Variants in GRIP1 observed in about 807,000 individuals in gnomAD.
The protein encoded by GRIP1 is glutamate receptor interacting protein 1.
GRIP1 carries 45 observed loss-of-function variants against 129.9 expected under a neutral mutation model. The observed-to-expected ratio is 0.35, with a 90% CI of 0.27 to 0.44. The LOEUF (loss-of-function observed/expected upper bound fraction) is 0.44. Among genes scored for constraint, GRIP1 ranks in the 20% least tolerant of loss-of-function variants. The probability of loss-of-function intolerance (pLI) is 1.00; values close to 1 mark genes in which losing one functional copy is unlikely to be tolerated. For synonymous variants in GRIP1, 530 were observed against 520.8 expected (o/e 1.02, Z -0.24); for missense variants, 1,196 against 1,396.8 (o/e 0.86, Z 2.29).
chr12:66,498,083 C>T (rs937615761), intron 7 of GRIP1, among the ~76,000 whole-genome samples: 4 of 152,186 alleles, frequency 2.6e-5, no homozygotes, highest in South Asian at 2.1e-4. Context: ...CATTTACCTA[C>T]CCAAATCCTA....
At position 66,598,846 on chromosome 12, in the gene GRIP1, A is replaced by AT. The variant is rs1180476861; in HGVS notation, c.56-1920dup. On this transcript the variant is annotated intron_variant, in intron 1 of 24. Transcript: ENST00000359742. ...TTTCCTCAGTTTTCTATTTGTCAAG[A>AT]TTCCAGCCAATTAAAGTCTTGAATT... Among the ~76,000 whole-genome samples, 5 of 152,286 alleles carry AT rather than the reference A, an allele frequency of 3.3e-5. No individual in the cohort carries two copies. In the South Asian group the frequency reaches 8.3e-4, roughly 25 times the overall value.
chr12:66,429,545 A>C (rs1397348720), intron 14 of GRIP1, among the ~76,000 whole-genome samples: 2 of 152,012 alleles, frequency 1.3e-5, no homozygotes, highest in Non-Finnish European at 2.9e-5. Context: ...AAAATTTAAA[A>C]ATTAGCCAGG....
At chr12:66,976,923 T>C (rs1345158405) in intron 1 of GRIP1, among the ~76,000 whole-genome samples, 1 of 152,176 alleles carries the variant, frequency 6.6e-6, no homozygotes, top group East Asian at 1.9e-4. Context: ...CATACACACA[T>C]CCAAGTTTAT....
At chr12:66,386,604 A>G (rs2056371680) in intron 19 of GRIP1, among the ~76,000 whole-genome samples, 1 of 152,214 alleles carries the variant, frequency 6.6e-6, no homozygotes, top group Non-Finnish European at 1.5e-5. Context: ...ACTGCACTCC[A>G]GCCTGGGTGA....
intron 1 of GRIP1, among the ~76,000 whole-genome samples, chr12:66,995,674 A>G (rs945535562): frequency 1.3e-5 from 2 of 152,222 alleles, no homozygotes; most frequent in African/African-American, 4.8e-5. Flanking sequence ...GGTGGATAAT[A>G]AAAACATAAT....
chr12:67,024,281 A>G (rs896413882), intron 1 of GRIP1, among the ~76,000 whole-genome samples: 8 of 152,190 alleles, frequency 5.3e-5, no homozygotes, highest in Non-Finnish European at 1.2e-4. Flanking sequence ...TGAAGAGGAA[A>G]CTGACCCTAA....
intron 1 of GRIP1, among the ~76,000 whole-genome samples, chr12:66,621,744 T>G (rs2065275825): frequency 6.6e-6 from 1 of 152,180 alleles, no homozygotes; most frequent in Non-Finnish European, 1.5e-5. Flanking sequence ...TTTCTCCACA[T>G]TCCTGCTAAT....
chr12:66,583,735 A>G (rs1359546474), intron 2 of GRIP1, among the ~76,000 whole-genome samples: 2 of 138,100 alleles, frequency 1.4e-5, no homozygotes, highest in Non-Finnish European at 1.6e-5. Context: ...TTGGAATGGC[A>G]ATCATTAAAA....
intron 1 of GRIP1, among the ~76,000 whole-genome samples, chr12:66,916,146 G>C (rs1298630950): frequency 6.6e-6 from 1 of 152,196 alleles, no homozygotes; most frequent in Non-Finnish European, 1.5e-5. Flanking sequence ...TAAAATGATT[G>C]TATCAGAAAG....
chr12:66,639,987 C>T (rs2031778048), intron 1 of GRIP1, among the ~76,000 whole-genome samples: 1 of 152,136 alleles, frequency 6.6e-6, no homozygotes. Context: ...TTTCCACATA[C>T]CCACACCTCT....
intron 1 of GRIP1, among the ~76,000 whole-genome samples, chr12:66,961,819 C>T (rs2041925455): frequency 6.6e-6 from 1 of 152,140 alleles, no homozygotes; most frequent in Non-Finnish European, 1.5e-5. Flanking sequence ...GCCATTAGTG[C>T]CTGGCAGCCA....
At chr12:67,035,205 T>C (rs962593533) in intron 1 of GRIP1, among the ~76,000 whole-genome samples, 2 of 151,802 alleles carry the variant, frequency 1.3e-5, no homozygotes, top group Admixed American at 6.6e-5. Flanking sequence ...CTGGATAAAG[T>C]AGAAAAAAAA....
intron 1 of GRIP1, among the ~76,000 whole-genome samples, chr12:66,957,026 C>T (rs2041852339): frequency 6.6e-6 from 1 of 152,144 alleles, no homozygotes; most frequent in African/African-American, 2.4e-5. Flanking sequence ...AAGGGCTGAA[C>T]TGTGTCCCCC....
chr12:66,392,233 G>T, intron 19 of GRIP1, 75 bp downstream of exon 19: 1 of 879,374 alleles, frequency 1.1e-6, no homozygotes, highest in Non-Finnish European at 1.9e-6. Flanking sequence ...TCTCCTCATG[G>T]AGCAGAGGAT....
chr12:66,361,100 G>T (rs538189041), intron 23 of GRIP1, among the ~76,000 whole-genome samples: 1 of 152,170 alleles, frequency 6.6e-6, no homozygotes, highest in Non-Finnish European at 1.5e-5. Flanking sequence ...GGAAGAAAAC[G>T]AAATAGAATA....
intron 3 of GRIP1, among the ~76,000 whole-genome samples, chr12:66,540,975 A>T (rs1177575251): frequency 6.1e-5 from 9 of 148,492 alleles, no homozygotes; most frequent in East Asian, 5.9e-4. Context: ...TTTTTTTTTA[A>T]TTTTTTTTTT....
At chr12:66,660,192 ATC>A (rs1159994719) in intron 1 of GRIP1, among the ~76,000 whole-genome samples, 1 of 152,196 alleles carries the variant, frequency 6.6e-6, no homozygotes, top group Non-Finnish European at 1.5e-5. Context: ...ATTTGTGACT[ATC>A]TTCAAACCTT....
intron 7 of GRIP1, among the ~76,000 whole-genome samples, chr12:66,480,625 C>T (rs557419770): frequency 1.6e-4 from 25 of 152,166 alleles, no homozygotes; most frequent in African/African-American, 5.8e-4. Context: ...GCAAAAAGAA[C>T]AAAGCTGGAG....
At chr12:66,819,944 A>C (rs2039288575) in intron 1 of GRIP1, among the ~76,000 whole-genome samples, 1 of 152,308 alleles carries the variant, frequency 6.6e-6, no homozygotes, top group Admixed American at 6.5e-5. Context: ...GCAATTGATG[A>C]ATTTCTGGAG....
Sources: gnomAD v4.1 joint callset for allele counts (sites outside exome capture counted in the v4.1 genomes callset) on GRCh38, gnomAD v4.1.1 for gene constraint, MANE v1.5 for transcripts, NCBI Gene and HGNC (gene_info 2026-07-23, HGNC 2026-07-21) for gene names.